Variants in ATXN7 observed in about 807,000 individuals in gnomAD.
ATXN7 encodes the protein ataxin 7, also known as ataxin-7.
ATXN7 carries 12 observed loss-of-function variants against 70.5 expected under a neutral mutation model. The observed-to-expected ratio is 0.17, with a 90% CI of 0.11 to 0.28. The LOEUF (loss-of-function observed/expected upper bound fraction) is 0.28, where lower values mean the gene tolerates loss of function less well. Among genes scored for constraint, ATXN7 ranks in the 10% least tolerant of loss-of-function variants. ATXN7 has a pLI of 1.00. For synonymous variants in ATXN7, 498 were observed against 448.7 expected (o/e 1.11, Z -1.39); for missense variants, 1,256 against 1,131.7 (o/e 1.11, Z -1.58).
At chr3:63,894,369 A>G (rs1190653864) in intron 1 of ATXN7, among the ~76,000 whole-genome samples, 5 of 152,228 alleles carry the variant, frequency 3.3e-5, no homozygotes, top group African/African-American at 4.8e-5. Context: ...TGGAAAACAA[A>G]AAAGTGGGCT....
chr3:63,972,239 A>T (rs187158229), intron 5 of ATXN7, among the ~76,000 whole-genome samples: 1 of 152,378 alleles, frequency 6.6e-6, no homozygotes, highest in African/African-American at 2.4e-5. Context: ...GTTGTTACTT[A>T]CTGTGACTGG....
intron 1 of ATXN7, among the ~76,000 whole-genome samples, chr3:63,872,600 C>T (rs533782149): frequency 9.8e-5 from 15 of 152,328 alleles, no homozygotes; most frequent in Non-Finnish European, 1.8e-4. Context: ...CAAAGCAAGT[C>T]ACAAGGCCAA....
intron 4 of ATXN7, among the ~76,000 whole-genome samples, chr3:63,942,460 C>T (rs1329406696): frequency 2.0e-5 from 3 of 152,184 alleles, no homozygotes; most frequent in African/African-American, 7.2e-5. Flanking sequence ...TACGTATCAA[C>T]ACTTCGCAGG....
In ATXN7 at chr3:63,961,247, A is replaced by G. The variant is rs143627439; in HGVS notation, c.499+8764A>G. ...ACATTTTTAACTTAATAATCTATCT[A>G]AAATATTTTTTCATGTTAATACATA... On this transcript the variant is annotated intron_variant, in intron 5 of 12. Transcript: ENST00000674280. Among the ~76,000 whole-genome samples, 3 of 152,320 alleles carry G rather than the reference A, an allele frequency of 2.0e-5. No individual in the cohort carries two copies. The East Asian group carries it at 5.8e-4, about 29-fold the overall frequency.
chr3:63,955,705 A>C (rs897454928), intron 5 of ATXN7, among the ~76,000 whole-genome samples: 1 of 152,216 alleles, frequency 6.6e-6, no homozygotes, highest in Admixed American at 6.5e-5. Context: ...TGACTGTTGT[A>C]GTCTATTTAC....
Position 63,930,845 on chromosome 3 carries a change from TA to T in ATXN7, c.394+17622del, listed in dbSNP as rs577365449. On this transcript the variant is annotated intron_variant, in intron 4 of 12. Coordinates refer to ENST00000674280, the MANE Select transcript of ATXN7 (RefSeq NM_001377405.1). ...GCACCCGGCAAGTTTACAAAATTTT[TA>T]ATGGATTCGAATGTATCTGTACTGC... Among the ~76,000 whole-genome samples, 13 of 152,238 alleles carry T rather than the reference TA, an allele frequency of 8.5e-5. No homozygotes were observed. The South Asian group carries it at 1.0e-3, about 12-fold the overall frequency.
chr3:63,934,278 CTT>C (rs2074616849), intron 4 of ATXN7, among the ~76,000 whole-genome samples: 1 of 152,174 alleles, frequency 6.6e-6, no homozygotes, highest in African/African-American at 2.4e-5. Flanking sequence ...AGTCTGGCCT[CTT>C]TGGCGCACAG....
At chr3:63,884,661 T>C (rs760768716) in intron 1 of ATXN7, among the ~76,000 whole-genome samples, 111 of 152,030 alleles carry the variant, frequency 7.3e-4, no homozygotes, top group Non-Finnish European at 1.2e-3. Context: ...TCTTATTTTT[T>C]TGGGGGGGAT....
At chr3:63,897,257 C>A (rs974998428) in intron 1 of ATXN7, among the ~76,000 whole-genome samples, 1 of 151,992 alleles carries the variant, frequency 6.6e-6, no homozygotes, top group African/African-American at 2.4e-5. Flanking sequence ...AGAAAGGAGA[C>A]TGGGAAGGAA....
chr3:63,947,320 T>A (rs2074880241), intron 4 of ATXN7, among the ~76,000 whole-genome samples: 3 of 152,238 alleles, frequency 2.0e-5, no homozygotes, highest in African/African-American at 7.2e-5. Context: ...GCGCAGTAGC[T>A]CACACTTGTA....
chr3:63,990,115 G>T (rs2106785938), intron 9 of ATXN7, 61 bp from the exon 10 acceptor site: 1 of 1,541,718 alleles, frequency 6.5e-7, no homozygotes, highest in Non-Finnish European at 8.9e-7. Flanking sequence ...TTGTATCTCA[G>T]TTAAGGTGGC....
At chr3:63,961,828 T>C (rs1331244050) in intron 5 of ATXN7, among the ~76,000 whole-genome samples, 1 of 152,180 alleles carries the variant, frequency 6.6e-6, no homozygotes, top group East Asian at 1.9e-4. Flanking sequence ...TTAGCTATTA[T>C]AGGATTGCCA....
Position 64,001,312 on chromosome 3 carries a change from G to A in ATXN7, c.*1845G>A, listed in dbSNP as rs2075830894. 1 of 152,164 alleles carries A rather than the reference G, an allele frequency of 6.6e-6. No homozygotes were observed. Among genetic ancestry groups the A allele is most frequent in the South Asian group, 2.1e-4 (1 of 4,832 alleles). The allele number at this position is 152,164 out of a possible 1,614,324, so 9.4% of individuals were successfully genotyped here. Reference sequence around the variant, plus strand: ...ATGTTTTTAAAATGATACTACAGGAGAGCTTAGTAAGGAGAGGGCATGGAT... The same window carrying A: ...ATGTTTTTAAAATGATACTACAGGAAAGCTTAGTAAGGAGAGGGCATGGAT... On this transcript the variant is annotated 3_prime_UTR_variant, in exon 13 of 13. Coordinates refer to ENST00000674280, the MANE Select transcript of ATXN7 (RefSeq NM_001377405.1).
intron 12 of ATXN7, chr3:63,999,171 C>T: frequency 2.7e-6 from 1 of 364,842 alleles, no homozygotes; most frequent in Non-Finnish European, 5.1e-6. Context: ...AACCAAAAGG[C>T]AAACATAAGA....
chr3:63,932,042 C>G (rs991921089), intron 4 of ATXN7, among the ~76,000 whole-genome samples: 2 of 152,142 alleles, frequency 1.3e-5, no homozygotes, highest in East Asian at 1.9e-4. Context: ...TACCTTCCAA[C>G]AGATTTTCAA....
chr3:63,928,799 G>A (rs961460271), intron 4 of ATXN7, among the ~76,000 whole-genome samples: 77 of 152,204 alleles, frequency 5.1e-4, no homozygotes, highest in Non-Finnish European at 1.2e-4. Flanking sequence ...GGGACAACAG[G>A]AATAGGCTTT....
chr3:63,931,867 T>C (rs1217788639), intron 4 of ATXN7, among the ~76,000 whole-genome samples: 1 of 152,166 alleles, frequency 6.6e-6, no homozygotes, highest in Non-Finnish European at 1.5e-5. Context: ...AAGAGAAGCC[T>C]GAAGTTTGGA....
chr3:63,995,043 G>T (rs544404558), intron 11 of ATXN7, among the ~76,000 whole-genome samples: 1 of 152,056 alleles, frequency 6.6e-6, no homozygotes, highest in Non-Finnish European at 1.5e-5. Context: ...GACTTCTCTC[G>T]ACATTTATTC....
intron 1 of ATXN7, among the ~76,000 whole-genome samples, chr3:63,884,727 G>A (rs952428822): frequency 2.6e-5 from 4 of 151,798 alleles, no homozygotes; most frequent in African/African-American, 9.7e-5. Context: ...TTAGCTCACT[G>A]CAACCTCTGT....
Sources: gnomAD v4.1 joint callset for allele counts (sites outside exome capture counted in the v4.1 genomes callset) on GRCh38, gnomAD v4.1.1 for gene constraint, MANE v1.5 for transcripts, NCBI Gene and HGNC (gene_info 2026-07-23, HGNC 2026-07-21) for gene names.